The following MECOM variants were observed in gnomAD, a reference collection of about 807,000 sequenced individuals.
The protein encoded by MECOM is MDS1 and EVI1 complex locus.
Under a neutral mutation model 116.3 loss-of-function variants are expected in MECOM, and 13 were observed. That is an observed-to-expected ratio of 0.11 (90% CI 0.07 to 0.18). The LOEUF is 0.18. Among genes scored for constraint, MECOM ranks in the 10% least tolerant of loss-of-function variants. MECOM has a pLI of 1.00. For missense variants in MECOM, 1,299 were observed against 1,509.0 expected (o/e 0.86, Z 2.31); for synonymous variants, 528 against 535.2 (o/e 0.99, Z 0.19).
In MECOM at chr3:169,586,917, G is replaced by A. The variant is rs1482312849; in HGVS notation, c.37+76419C>T. On this transcript the variant is annotated intron_variant, in intron 1 of 16. Coordinates refer to ENST00000651503, the MANE Select transcript of MECOM (RefSeq NM_004991.4). ...TAGTGCTGGCATATCTGTAGTAATC[G>A]TAGAAGAAGTAATCATAGTACTGGT... Among the ~76,000 whole-genome samples the A allele has an allele frequency of 2.6e-5, 4 of 152,202 alleles. No homozygotes were observed. The South Asian group carries it at 6.2e-4, about 24-fold the overall frequency.
chr3:169,439,819 A>G (rs946342148), intron 1 of MECOM, among the ~76,000 whole-genome samples: 6 of 152,216 alleles, frequency 3.9e-5, no homozygotes, highest in African/African-American at 1.2e-4. Context: ...AAGAAAATGA[A>G]TAAATAAACG....
chr3:169,472,649 A>AAAGG (rs1749700960), intron 1 of MECOM, among the ~76,000 whole-genome samples: 1 of 65,334 alleles, frequency 1.5e-5, no homozygotes, highest in Non-Finnish European at 3.3e-5. Context: ...AAAGGAAAGG[A>AAAGG]AAAGAAAAGA....
At chr3:169,485,165 T>C (rs1751963844) in intron 1 of MECOM, among the ~76,000 whole-genome samples, 1 of 152,152 alleles carries the variant, frequency 6.6e-6, no homozygotes, top group Non-Finnish European at 1.5e-5. Flanking sequence ...TGGCTAAGTT[T>C]TGTATTTAGA....
intron 2 of MECOM, among the ~76,000 whole-genome samples, chr3:169,293,016 C>T (rs982032048): frequency 6.6e-6 from 1 of 152,040 alleles, no homozygotes; most frequent in African/African-American, 2.4e-5. Flanking sequence ...AGTGACTTAT[C>T]CAAGACCTCA....
At chr3:169,169,153 G>A (rs1744043748) in intron 2 of MECOM, among the ~76,000 whole-genome samples, 1 of 152,046 alleles carries the variant, frequency 6.6e-6, no homozygotes, top group Admixed American at 6.5e-5. Context: ...CATTACCTGA[G>A]GAAAATGGCT....
chr3:169,182,365 T>C (rs1393101954), intron 2 of MECOM, among the ~76,000 whole-genome samples: 1 of 152,228 alleles, frequency 6.6e-6, no homozygotes, highest in Non-Finnish European at 1.5e-5. Flanking sequence ...AAATTATAAA[T>C]CTGGGATTAA....
intron 1 of MECOM, among the ~76,000 whole-genome samples, chr3:169,602,384 C>A (rs1167384005): frequency 6.6e-6 from 1 of 152,174 alleles, no homozygotes; most frequent in Non-Finnish European, 1.5e-5. Flanking sequence ...AGCCTTTATG[C>A]TCAAATAGTA....
At chr3:169,488,794 A>G (rs1052398273) in intron 1 of MECOM, among the ~76,000 whole-genome samples, 3 of 152,090 alleles carry the variant, frequency 2.0e-5, no homozygotes, top group African/African-American at 7.2e-5. Flanking sequence ...ATATATCAAA[A>G]CTTGTGAAAA....
intron 2 of MECOM, among the ~76,000 whole-genome samples, chr3:169,305,821 T>G (rs1043882063): frequency 5.9e-5 from 9 of 152,180 alleles, no homozygotes; most frequent in Non-Finnish European, 1.3e-4. Context: ...TGTTCTAGCT[T>G]TAACAAAGTT....
chr3:169,409,341 T>A (rs75999397), intron 1 of MECOM, among the ~76,000 whole-genome samples: 4,009 of 152,334 alleles, frequency 0.026, 94 homozygotes, highest in East Asian at 0.069. Flanking sequence ...TTGAAAATGA[T>A]TACTTTGTCT....
At chr3:169,288,565 C>T (rs1713840340) in intron 2 of MECOM, among the ~76,000 whole-genome samples, 1 of 152,144 alleles carries the variant, frequency 6.6e-6, no homozygotes, top group African/African-American at 2.4e-5. Context: ...GCAGCAGAGC[C>T]ATCATTTAAT....
At chr3:169,342,248 T>C (rs546248693) in intron 2 of MECOM, among the ~76,000 whole-genome samples, 91 of 152,130 alleles carry the variant, frequency 6.0e-4, no homozygotes, top group African/African-American at 2.1e-3. Context: ...ATTTCCTAAA[T>C]TTGGAATAAT....
chr3:169,288,369 T>G (rs1186572156), intron 2 of MECOM, among the ~76,000 whole-genome samples: 2 of 152,214 alleles, frequency 1.3e-5, no homozygotes, highest in Non-Finnish European at 2.9e-5. Context: ...TCTTTCTTCT[T>G]TATTCTCCAA....
intron 2 of MECOM, among the ~76,000 whole-genome samples, chr3:169,305,588 G>C (rs1268949812): frequency 6.6e-6 from 1 of 152,220 alleles, no homozygotes; most frequent in Non-Finnish European, 1.5e-5. Context: ...AAATAAACCT[G>C]TCTTACAATG....
chr3:169,494,940 G>A (rs186340536), intron 1 of MECOM, among the ~76,000 whole-genome samples: 74 of 152,306 alleles, frequency 4.9e-4, no homozygotes, highest in African/African-American at 1.7e-3. Flanking sequence ...AGTGAGGATG[G>A]AGAGGAGAAT....
chr3:169,562,300 A>G (rs1228873881), intron 1 of MECOM, among the ~76,000 whole-genome samples: 7 of 152,160 alleles, frequency 4.6e-5, no homozygotes, highest in Admixed American at 1.3e-4. Context: ...GCTCTCAATG[A>G]AATAAACAGT....
At chr3:169,282,852 T>A (rs1712396785) in intron 2 of MECOM, among the ~76,000 whole-genome samples, 1 of 151,736 alleles carries the variant, frequency 6.6e-6, no homozygotes, top group South Asian at 2.1e-4. Context: ...TAAATCCAAA[T>A]AAAAATATGA....
chr3:169,571,192 C>T (rs531184973), intron 1 of MECOM, among the ~76,000 whole-genome samples: 5 of 152,018 alleles, frequency 3.3e-5, no homozygotes, highest in Non-Finnish European at 1.5e-5. Context: ...TCCTATATAC[C>T]AATAATAGAC....
In MECOM at chr3:169,234,872, A is replaced by G. The variant is rs1041816208; in HGVS notation, c.376-91040T>C. Among the ~76,000 whole-genome samples, 3 of 152,314 alleles carry G rather than the reference A, an allele frequency of 2.0e-5. No individual in the cohort carries two copies. The East Asian group carries it at 5.8e-4, about 29-fold the overall frequency. ...TAATGCCCAGACTTATGGTTCCCAGAGGAATTAAAATTAACCAGCTCTCTA... is the reference window on the plus strand; with the variant it reads ...TAATGCCCAGACTTATGGTTCCCAGGGGAATTAAAATTAACCAGCTCTCTA... On this transcript the variant is annotated intron_variant, in intron 2 of 16. Transcript: ENST00000651503.
Sources: gnomAD v4.1 joint callset for allele counts (sites outside exome capture counted in the v4.1 genomes callset) on GRCh38, gnomAD v4.1.1 for gene constraint, MANE v1.5 for transcripts, NCBI Gene and HGNC (gene_info 2026-07-23, HGNC 2026-07-21) for gene names.